Variants in SLA observed in about 807,000 individuals in gnomAD.
The protein encoded by SLA is Src like adaptor, also known as src-like-adapter.
A neutral mutation model predicts 30.3 loss-of-function variants in SLA; 16 were observed. That is an observed-to-expected ratio of 0.53 (90% confidence interval 0.36 to 0.80). The LOEUF (loss-of-function observed/expected upper bound fraction) is 0.80. Ranked by LOEUF, SLA falls within the 30% of genes least tolerant of loss-of-function variation. SLA has a pLI of 0.01. For missense variants in SLA, 310 were observed against 345.2 expected, an observed-to-expected ratio of 0.90 and a Z score of 0.81; for synonymous variants, 143 against 137.8, an observed-to-expected ratio of 1.04 and a Z score of -0.26.
chr8:133,059,281 C>T lies in SLA; in HGVS notation c.61+819G>A, dbSNP rs969907420. 7.8e-5 allele frequency: 29 copies of T among 373,626 alleles called. 2 individuals are homozygous for T. The highest frequency in any genetic ancestry group is 4.7e-4 in the Middle Eastern group (1 of 2,148). The allele number at this position is 373,626 out of a possible 1,614,324, so 23.1% of individuals were successfully genotyped here. A position where few individuals can be genotyped will look rare whatever the true frequency, so the allele number is the denominator to read the frequency against. On this transcript the variant is annotated intron_variant, in intron 3 of 8. Transcript: ENST00000338087. The stretch of plus-strand genomic sequence containing the variant: ...CAAGGTGCCCCCTGGCTTCCCTAAC[C>T]GTCCCTTTCCCAAGACCCCACAATA...
intron 2 of SLA, among the ~76,000 whole-genome samples, chr8:133,068,546 A>G (rs1402841260): frequency 6.6e-6 from 1 of 152,168 alleles, no homozygotes; most frequent in Non-Finnish European, 1.5e-5. Context: ...TTTGTCTTTA[A>G]TGAACATAGT....
chr8:133,091,865 G>T (rs1248572195), intron 1 of SLA, among the ~76,000 whole-genome samples: 1 of 152,024 alleles, frequency 6.6e-6, no homozygotes, highest in Admixed American at 6.6e-5. Context: ...GTGTGTAAGT[G>T]TGTATCTCTG....
intron 1 of SLA, chr8:133,087,693 T>C (rs545056584): frequency 6.6e-6 from 1 of 152,322 alleles, no homozygotes; most frequent in South Asian, 2.1e-4. Context: ...AAAAAGCCAA[T>C]AGAACTCCTC....
chr8:133,045,052 T>C lies in SLA; in HGVS notation c.416A>G (p.Asn139Ser), dbSNP rs755508071. 1.2e-6 allele frequency: 2 copies of C among 1,614,202 alleles called. No individual in the cohort carries two copies. The highest frequency in any genetic ancestry group is 1.1e-5 in the South Asian group (1 of 91,086). The change falls in exon 7 of 9, where the codon AAC (asparagine) becomes AGC (serine). Residue 139 changes from asparagine to serine, a missense_variant. Asn to Ser is a conservative substitution (Grantham distance 46). Coordinates refer to ENST00000338087, the MANE Select transcript of SLA (RefSeq NM_001045556.3). ...VKHYRIFRLP[N>S]NWYYISPRLT... is the part of the protein sequence containing the mutation. ...CCTCGGGGAAATGTAGTACCAGTTG[T>C]TGGGCAGACGGAAAATGCGGTAATG...
Position 133,038,317 on chromosome 8 carries a change from C to T in SLA, c.*207G>A, listed in dbSNP as rs1837456496. 1.7e-6 allele frequency: 1 copy of T among 594,000 alleles called. No individual in the cohort carries two copies. The highest frequency in any genetic ancestry group is 3.0e-5 in the Admixed American group (1 of 33,676). 36.8% of individuals were successfully genotyped at this position (594,000 alleles called of 1,614,324 possible). A position where few individuals can be genotyped will look rare whatever the true frequency, so the allele number is the denominator to read the frequency against. On this transcript the variant is annotated 3_prime_UTR_variant, in exon 9 of 9. Transcript: ENST00000338087. ...TGTCATGATCCAATGTTTCGTGATG[C>T]CACAGCCCTGATCAGACACCAGGGA...
chr8:133,045,061 C>G lies in SLA; in HGVS notation c.407G>C (p.Arg136Pro), dbSNP rs374316806. Reference protein sequence around the residue: ...HRQVKHYRIFRLPNNWYYISP... With the variant: ...HRQVKHYRIFPLPNNWYYISP... ...AATGTAGTACCAGTTGTTGGGCAGA[C>G]GGAAAATGCGGTAATGCTTTACCTG... Residue 136 changes from arginine (R) to proline (P), a missense_variant, in exon 7 of 9, where the codon CGT (arginine) becomes CCT (proline). By Grantham distance (103) the Arg-to-Pro change is moderately radical (BLOSUM62 -2). Coordinates refer to ENST00000338087, the MANE Select transcript of SLA (RefSeq NM_001045556.3). The G allele has an allele frequency of 6.2e-7, 1 of 1,614,150 alleles. No individual in the cohort carries two copies.
intron 3 of SLA, chr8:133,059,154 G>A (rs1434495364): frequency 5.3e-5 from 24 of 456,130 alleles, no homozygotes; most frequent in Non-Finnish European, 7.5e-5. Context: ...CGCCCAGGGC[G>A]GTGCTGCAGG....
intron 2 of SLA, among the ~76,000 whole-genome samples, chr8:133,064,807 A>G (rs1043010268): frequency 2.6e-5 from 4 of 152,178 alleles, no homozygotes; most frequent in Admixed American, 1.3e-4. Flanking sequence ...TTCCTGGGAC[A>G]GTGTCCCAGG....
At chr8:133,079,401 G>A (rs1845407064) in intron 1 of SLA, among the ~76,000 whole-genome samples, 2 of 152,224 alleles carry the variant, frequency 1.3e-5, no homozygotes, top group African/African-American at 4.8e-5. Context: ...CCTTATTAAA[G>A]TGAAATGTTC....
chr8:133,056,316 A>C (rs1159728293), intron 3 of SLA, among the ~76,000 whole-genome samples: 1 of 152,258 alleles, frequency 6.6e-6, no homozygotes, highest in South Asian at 2.1e-4. Context: ...CTCATGTACC[A>C]GCAGCGAGGT....
chr8:133,038,910 C>T (rs1837602808), intron 8 of SLA, among the ~76,000 whole-genome samples, 173 bp from the exon 9 acceptor site: 1 of 152,214 alleles, frequency 6.6e-6, no homozygotes, highest in Non-Finnish European at 1.5e-5. Flanking sequence ...TGGAGTCTCG[C>T]TCTGTTGCCC....
At position 133,038,757 on chromosome 8, in the gene SLA, G is replaced by A; in HGVS notation, c.618-20C>T. 4.4e-6 allele frequency: 7 copies of A among 1,577,754 alleles called. No homozygotes were observed. Among genetic ancestry groups the A allele is most frequent in the South Asian group, 1.1e-5 (1 of 90,118 alleles). On this transcript the variant is annotated intron_variant, in intron 8 of 8. Transcript: ENST00000338087. ...TGCAGTCTGTGGGCCAGAAGAAAAG[G>A]CAGTAGAGAAAGGGAAAAAAAGAGA...
Position 133,042,678 on chromosome 8 carries a change from C to CCTTTTTTTTTTTTTT in SLA, c.484+2305_484+2306insAAAAAAAAAAAAAAG, listed in dbSNP as rs1554706932. 1.4e-3 allele frequency among the ~76,000 whole-genome samples: 79 copies of CCTTTTTTTTTTTTTT among 56,776 alleles called. 12 individuals are homozygous for CCTTTTTTTTTTTTTT. The highest frequency in any genetic ancestry group is 2.4e-3 in the South Asian group (4 of 1,676). 37.2% of individuals were successfully genotyped at this position (56,776 alleles called of 152,430 possible). On this transcript the variant is annotated intron_variant, in intron 7 of 8. Coordinates refer to ENST00000338087, the MANE Select transcript of SLA (RefSeq NM_001045556.3). ...GTGCACAATTCCTCTCATTCTGTGT[C>CCTTTTTTTTTTTTTT]TTTTTTTTTTTTTTTTTTTTTTTTT...
intron 7 of SLA, among the ~76,000 whole-genome samples, chr8:133,041,180 C>T (rs891631128): frequency 6.6e-6 from 1 of 152,240 alleles, no homozygotes; most frequent in African/African-American, 2.4e-5. Context: ...GTGCCACTGG[C>T]CTCCGGCAGG....
intron 2 of SLA, among the ~76,000 whole-genome samples, chr8:133,070,277 G>T (rs1196549543): frequency 6.6e-6 from 1 of 152,162 alleles, no homozygotes; most frequent in Admixed American, 6.5e-5. Context: ...AGCCAGCACA[G>T]GCCGCATCCA....
In SLA at chr8:133,075,904, G is replaced by C. The variant is rs143190566; in HGVS notation, c.-318-774C>G. 11 of 152,230 alleles carry C rather than the reference G, an allele frequency of 7.2e-5. No homozygotes were observed. The East Asian group carries it at 1.3e-3, about 19-fold the overall frequency. 9.4% of individuals were successfully genotyped at this position (152,230 alleles called of 1,614,324 possible). ...TGTTCTACTCTTGCAAGTTTTTGGTGAGTTTGATGTTAAAATACGTGTGTC... is the reference window on the plus strand; with the variant it reads ...TGTTCTACTCTTGCAAGTTTTTGGTCAGTTTGATGTTAAAATACGTGTGTC... On this transcript the variant is annotated intron_variant, in intron 1 of 8. Transcript: ENST00000338087.
intron 2 of SLA, 64 bp from the exon 3 acceptor site, chr8:133,060,264 C>A (rs1413629722): frequency 6.2e-7 from 1 of 1,607,110 alleles, no homozygotes; most frequent in Admixed American, 1.7e-5. Flanking sequence ...TGGAGAATGA[C>A]CCAGTTTAGA....
intron 1 of SLA, chr8:133,095,071 G>T: frequency 6.2e-7 from 1 of 1,614,030 alleles, no homozygotes; most frequent in Non-Finnish European, 8.5e-7. Flanking sequence ...CCCGGCCGCC[G>T]TCATCAGCCA....
At chr8:133,051,621 G>A (rs1217427068) in intron 3 of SLA, among the ~76,000 whole-genome samples, 2 of 152,160 alleles carry the variant, frequency 1.3e-5, no homozygotes, top group Non-Finnish European at 2.9e-5. Flanking sequence ...AGGAATTCTG[G>A]TGAAGTTTTG....
Sources: gnomAD v4.1 joint callset for allele counts (sites outside exome capture counted in the v4.1 genomes callset) on GRCh38, gnomAD v4.1.1 for gene constraint, MANE v1.5 for transcripts, NCBI Gene and HGNC (gene_info 2026-07-23, HGNC 2026-07-21) for gene names.